PTPRD: variants seen among roughly 807,000 people sequenced by gnomAD.
The protein encoded by PTPRD is protein tyrosine phosphatase receptor type D, also known as receptor-type tyrosine-protein phosphatase delta.
PTPRD carries 34 observed loss-of-function variants against 214.5 expected under a neutral mutation model. The observed-to-expected ratio is 0.16, with a 90% CI of 0.12 to 0.21. The LOEUF (loss-of-function observed/expected upper bound fraction) is 0.21. Among genes scored for constraint, PTPRD ranks in the 10% least tolerant of loss-of-function variants. The probability of loss-of-function intolerance (pLI) is 1.00; values close to 1 mark genes in which losing one functional copy is unlikely to be tolerated. For missense variants in PTPRD, 2,545 were observed against 2,398.7 expected (o/e 1.06, Z -1.27); for synonymous variants, 1,128 against 845.7 (o/e 1.33, Z -5.79).
At chr9:8,548,048 A>T (rs2080784577) in intron 14 of PTPRD, among the ~76,000 whole-genome samples, 1 of 152,212 alleles carries the variant, frequency 6.6e-6, no homozygotes, top group African/African-American at 2.4e-5. Context: ...CTAAGGGAGC[A>T]CAGGGGTGAA....
At chr9:9,532,235 G>C (rs1173087587) in intron 8 of PTPRD, among the ~76,000 whole-genome samples, 1 of 152,118 alleles carries the variant, frequency 6.6e-6, no homozygotes, top group African/African-American at 2.4e-5. Flanking sequence ...GAGAAGGTCT[G>C]TGTGGTGGAT....
At chr9:10,474,747 C>G (rs2099052030) in intron 2 of PTPRD, among the ~76,000 whole-genome samples, 1 of 152,116 alleles carries the variant, frequency 6.6e-6, no homozygotes, top group Admixed American at 6.6e-5. Context: ...AAACACTACT[C>G]AGCAAATACA....
intron 39 of PTPRD, among the ~76,000 whole-genome samples, chr9:8,370,342 G>A (rs1325087843): frequency 4.6e-5 from 7 of 151,976 alleles, no homozygotes; most frequent in Non-Finnish European, 8.8e-5. Flanking sequence ...TCTGCAATAC[G>A]AAGAGTAAGA....
intron 7 of PTPRD, among the ~76,000 whole-genome samples, chr9:9,697,026 G>C (rs532704378): frequency 6.6e-6 from 1 of 152,006 alleles, no homozygotes; most frequent in Admixed American, 6.6e-5. Context: ...CAACTTATCT[G>C]ATCACAAAGA....
At chr9:10,483,760 A>C (rs2099115181) in intron 2 of PTPRD, among the ~76,000 whole-genome samples, 1 of 152,180 alleles carries the variant, frequency 6.6e-6, no homozygotes, top group Non-Finnish European at 1.5e-5. Context: ...GCCATTATTA[A>C]AAAGTCAAAA....
Position 8,469,182 on chromosome 9 carries a change from C to T in PTPRD, c.3504+1813G>A, listed in dbSNP as rs113136092. ...TATGGGAATCAGCAGCGGAGACCCA[C>T]AGAATTTAATTGCAAGAAAGTTCAA... On this transcript the variant is annotated intron_variant, in intron 31 of 45. Coordinates refer to ENST00000381196, the MANE Select transcript of PTPRD (RefSeq NM_002839.4). Among the ~76,000 whole-genome samples, 486 of 152,094 alleles carry T rather than the reference C, an allele frequency of 3.2e-3. 5 individuals are homozygous for T. Among genetic ancestry groups the T allele is most frequent in the African/African-American group, 0.011 (459 of 41,518 alleles).
At chr9:9,154,268 C>T (rs1268949371) in intron 10 of PTPRD, among the ~76,000 whole-genome samples, 1 of 152,110 alleles carries the variant, frequency 6.6e-6, no homozygotes, top group Admixed American at 6.6e-5. Context: ...TTGTTTGTTA[C>T]CGTCTTAGTC....
chr9:9,680,331 C>A (rs969341622), intron 7 of PTPRD, among the ~76,000 whole-genome samples: 1 of 151,790 alleles, frequency 6.6e-6, no homozygotes, highest in Non-Finnish European at 1.5e-5. Flanking sequence ...AAATATATTG[C>A]TTTGGAAAAT....
intron 9 of PTPRD, among the ~76,000 whole-genome samples, chr9:9,223,489 T>C (rs1391530152): frequency 1.3e-5 from 2 of 152,064 alleles, no homozygotes; most frequent in African/African-American, 2.4e-5. Flanking sequence ...TCAATCAGAA[T>C]GCTCTCTAAG....
At chr9:8,391,557 T>C (rs2089569021) in intron 36 of PTPRD, among the ~76,000 whole-genome samples, 1 of 152,204 alleles carries the variant, frequency 6.6e-6, no homozygotes, top group Non-Finnish European at 1.5e-5. Context: ...TCCATAGGAT[T>C]TGGTTCTGAG....
chr9:8,485,173 A>C (rs950025748), intron 29 of PTPRD, 54 bp downstream of exon 29: 2 of 1,482,354 alleles, frequency 1.3e-6, no homozygotes, highest in Middle Eastern at 1.7e-4. Context: ...TACCCAGATA[A>C]ACTGTCCCCT....
chr9:8,492,821 G>C (rs371988763), intron 27 of PTPRD, 41 bp downstream of exon 27: 38 of 1,444,336 alleles, frequency 2.6e-5, no homozygotes, highest in South Asian at 7.1e-5. Context: ...TAAAAAGTTA[G>C]TATTACTGTT....
At chr9:10,029,748 T>C (rs1024358628) in intron 4 of PTPRD, among the ~76,000 whole-genome samples, 1 of 152,188 alleles carries the variant, frequency 6.6e-6, no homozygotes, top group South Asian at 2.1e-4. Flanking sequence ...GACTTTGGAC[T>C]GTGGAGTTTT....
intron 7 of PTPRD, among the ~76,000 whole-genome samples, chr9:9,656,147 C>T (rs150923648): frequency 4.7e-4 from 72 of 152,238 alleles, no homozygotes; most frequent in Non-Finnish European, 7.5e-4. Flanking sequence ...TGTGGAACAA[C>T]AGAAATTATC....
chr9:10,035,896 TG>T (rs1326284901), intron 3 of PTPRD, among the ~76,000 whole-genome samples: 1 of 139,208 alleles, frequency 7.2e-6, no homozygotes, highest in Non-Finnish European at 1.5e-5. Context: ...CAACTAACTT[TG>T]GCCCTTGTTC....
chr9:9,517,972 G>A (rs2096876996), intron 8 of PTPRD, among the ~76,000 whole-genome samples: 1 of 151,840 alleles, frequency 6.6e-6, no homozygotes, highest in African/African-American at 2.4e-5. Flanking sequence ...TAATTTTTGG[G>A]TTTCTGTAAA....
At chr9:9,412,442 A>C (rs1569568095) in intron 8 of PTPRD, among the ~76,000 whole-genome samples, 2 of 151,180 alleles carry the variant, frequency 1.3e-5, no homozygotes, top group Admixed American at 6.6e-5. Flanking sequence ...CAGCCCATAC[A>C]GGTCTGGGCA....
chr9:9,924,537 A>C (rs529787267), intron 5 of PTPRD, among the ~76,000 whole-genome samples: 34 of 152,196 alleles, frequency 2.2e-4, no homozygotes, highest in Non-Finnish European at 5.0e-4. Flanking sequence ...AATACAGCAC[A>C]CTGATGACAC....
intron 3 of PTPRD, among the ~76,000 whole-genome samples, chr9:10,047,730 A>C (rs1192761087): frequency 2.0e-5 from 3 of 152,126 alleles, no homozygotes; most frequent in African/African-American, 7.2e-5. Flanking sequence ...CACAGTGTTA[A>C]TTTGTTTACT....
Sources: gnomAD v4.1 joint callset for allele counts (sites outside exome capture counted in the v4.1 genomes callset) on GRCh38, gnomAD v4.1.1 for gene constraint, MANE v1.5 for transcripts, NCBI Gene and HGNC (gene_info 2026-07-23, HGNC 2026-07-21) for gene names.